Variants in MMS22L observed in about 807,000 individuals in gnomAD.
MMS22L encodes MMS22 like, DNA repair protein, also known as protein MMS22-like.
Under a neutral mutation model 159.1 loss-of-function variants are expected in MMS22L, and 74 were observed. The observed-to-expected ratio is 0.47, with a 90% confidence interval of 0.39 to 0.56. The LOEUF is 0.56. Ranked by LOEUF, MMS22L falls within the 20% of genes least tolerant of loss-of-function variation. The pLI is 0.00. For missense variants in MMS22L, 1,351 were observed against 1,422.1 expected (o/e 0.95, Z 0.80); for synonymous variants, 517 against 506.9 (o/e 1.02, Z -0.27).
At chr6:97,266,830 G>A (rs1181638687) in intron 8 of MMS22L, 1 of 152,134 alleles carries the variant, frequency 6.6e-6, no homozygotes, top group East Asian at 1.9e-4. Flanking sequence ...CCTTACCAAG[G>A]GCTGTGAGGA....
intron 3 of MMS22L, among the ~76,000 whole-genome samples, chr6:97,280,225 T>C (rs556640914): frequency 1.3e-5 from 2 of 152,334 alleles, no homozygotes; most frequent in Admixed American, 6.5e-5. Flanking sequence ...ATTTTTACTG[T>C]GTTTTGGAAT....
intron 6 of MMS22L, chr6:97,271,342 C>G (rs1815717012): frequency 6.6e-6 from 1 of 152,030 alleles, no homozygotes; most frequent in Admixed American, 6.6e-5. Context: ...AAGGCAAAAC[C>G]TAGTTTGAGG....
chr6:97,178,897 GA>G (rs1435414467), intron 17 of MMS22L, among the ~76,000 whole-genome samples: 4 of 152,044 alleles, frequency 2.6e-5, no homozygotes, highest in Admixed American at 6.6e-5. Context: ...ATAGCTTTGG[GA>G]AAAGACATGT....
intron 19 of MMS22L, among the ~76,000 whole-genome samples, chr6:97,169,833 G>A (rs888350665): frequency 3.3e-5 from 5 of 152,012 alleles, no homozygotes. Flanking sequence ...TGCAATACAG[G>A]TATGTTTCAC....
chr6:97,248,441 A>G (rs1373269611), intron 10 of MMS22L, among the ~76,000 whole-genome samples: 12 of 152,230 alleles, frequency 7.9e-5, no homozygotes, highest in Non-Finnish European at 1.6e-4. Context: ...TGACACAGCA[A>G]TAGATTACTA....
intron 14 of MMS22L, among the ~76,000 whole-genome samples, chr6:97,193,565 G>A (rs17057496): frequency 0.1 from 15,278 of 152,080 alleles, 1,564 homozygotes; most frequent in African/African-American, 0.26. Flanking sequence ...CCACTTCCTT[G>A]TTATTATTGT....
intron 20 of MMS22L, among the ~76,000 whole-genome samples, chr6:97,166,147 T>C (rs761497178): frequency 9.9e-5 from 15 of 152,164 alleles, no homozygotes; most frequent in African/African-American, 3.6e-4. Flanking sequence ...TGTCTGTTTA[T>C]TTAATCTCTT....
At chr6:97,210,407 G>T (rs1399534659) in intron 14 of MMS22L, among the ~76,000 whole-genome samples, 1 of 151,728 alleles carries the variant, frequency 6.6e-6, no homozygotes, top group East Asian at 1.9e-4. Flanking sequence ...TAACTTCAGG[G>T]TTTCCAAAAT....
At chr6:97,194,318 A>G (rs888632856) in intron 14 of MMS22L, among the ~76,000 whole-genome samples, 1 of 152,078 alleles carries the variant, frequency 6.6e-6, no homozygotes, top group Non-Finnish European at 1.5e-5. Flanking sequence ...GGCCTCCCAA[A>G]GTGCTGGGAT....
chr6:97,220,428 T>A (rs1007839119), intron 14 of MMS22L, among the ~76,000 whole-genome samples: 10 of 152,116 alleles, frequency 6.6e-5, no homozygotes, highest in Admixed American at 6.5e-5. Flanking sequence ...ACTATGAATA[T>A]ACTAAAAACC....
intron 24 of MMS22L, among the ~76,000 whole-genome samples, chr6:97,147,659 T>C (rs1800981054): frequency 6.6e-6 from 1 of 152,188 alleles, no homozygotes; most frequent in South Asian, 2.1e-4. Context: ...TTTTGTGACA[T>C]GACAATAAAC....
intron 14 of MMS22L, among the ~76,000 whole-genome samples, chr6:97,203,144 G>A (rs1276943061): frequency 6.6e-6 from 1 of 152,136 alleles, no homozygotes; most frequent in East Asian, 1.9e-4. Flanking sequence ...GATCTTTTAA[G>A]CTGTTTTTCT....
At chr6:97,252,644 CAAA>C (rs377388849) in intron 10 of MMS22L, among the ~76,000 whole-genome samples, 3 of 79,994 alleles carry the variant, frequency 3.8e-5, no homozygotes, top group Non-Finnish European at 5.1e-5. Flanking sequence ...GACTCCATCT[CAAA>C]AAAAAAAAAA....
rs372197174 is a variant in MMS22L, at chr6:97,178,433, T to G, written c.2679+10A>C. 4.4e-5 allele frequency: 67 copies of G among 1,523,942 alleles called. 1 individual carries two copies. The highest frequency in any genetic ancestry group is 5.9e-5 in the Non-Finnish European group (67 of 1,136,996). The allele number at this position is 1,523,942 out of a possible 1,614,324, so 94.4% of individuals were successfully genotyped here. A position where few individuals can be genotyped will look rare whatever the true frequency, so the allele number is the denominator to read the frequency against. ...TAATCTGGACAATTATACTAATAAA[T>G]GACAAATACCTCAAAGAATCGAACA... is the stretch of plus-strand genomic sequence containing the variant. On this transcript the variant is annotated intron_variant, in intron 18 of 24. Transcript: ENST00000683635.
At chr6:97,219,564 C>CAGAT (rs2127973675) in intron 14 of MMS22L, among the ~76,000 whole-genome samples, 1 of 152,294 alleles carries the variant, frequency 6.6e-6, no homozygotes, top group South Asian at 2.1e-4. Flanking sequence ...GAAATCTAAG[C>CAGAT]AGATGTTCAT....
At chr6:97,279,327 C>G (rs144654905) in intron 3 of MMS22L, among the ~76,000 whole-genome samples, 1 of 151,454 alleles carries the variant, frequency 6.6e-6, no homozygotes, top group African/African-American at 2.4e-5. Context: ...ACTAAAAATA[C>G]GAAAAAATTA....
At chr6:97,245,264 C>T (rs1812504526) in intron 11 of MMS22L, among the ~76,000 whole-genome samples, 1 of 151,982 alleles carries the variant, frequency 6.6e-6, no homozygotes, top group Non-Finnish European at 1.5e-5. Flanking sequence ...ACAACAGAAA[C>T]ATGGGTCAAT....
intron 12 of MMS22L, 65 bp downstream of exon 12, chr6:97,233,796 G>C: frequency 6.7e-7 from 1 of 1,498,596 alleles, no homozygotes. Flanking sequence ...AAACCATAAA[G>C]ACATTCCTCA....
At chr6:97,168,327 C>T (rs1582437128) in intron 19 of MMS22L, 87 bp from the exon 20 acceptor site, 2 of 1,160,200 alleles carry the variant, frequency 1.7e-6, no homozygotes, top group East Asian at 4.8e-5. Context: ...GTATTGAAAG[C>T]ACATGGGACC....
Sources: allele counts gnomAD v4.1 joint callset (sites outside exome capture counted in the v4.1 genomes callset), GRCh38; gene constraint gnomAD v4.1.1; transcripts MANE v1.5; gene names NCBI Gene and HGNC (gene_info 2026-07-23, HGNC 2026-07-21).